The following SUV39H2 variants were observed in gnomAD, a reference collection of about 807,000 sequenced individuals.
SUV39H2 encodes the protein SUV39H2 histone lysine methyltransferase.
Under a neutral mutation model 47.5 loss-of-function variants are expected in SUV39H2, and 10 were observed. The observed-to-expected ratio is 0.21, with a 90% CI of 0.13 to 0.36. The LOEUF (loss-of-function observed/expected upper bound fraction) is 0.36. Among genes scored for constraint, SUV39H2 ranks in the 10% least tolerant of loss-of-function variants. The probability of loss-of-function intolerance (pLI) is 1.00; values close to 1 mark genes in which losing one functional copy is unlikely to be tolerated. For synonymous variants in SUV39H2, 159 were observed against 166.8 expected, an observed-to-expected ratio of 0.95 and a Z score of 0.36; for missense variants, 266 against 487.4, an observed-to-expected ratio of 0.55 and a Z score of 4.28.
intron 2 of SUV39H2, among the ~76,000 whole-genome samples, chr10:14,887,795 T>A (rs1833259752): frequency 6.6e-6 from 1 of 152,238 alleles, no homozygotes; most frequent in South Asian, 2.1e-4. Context: ...AAGTACTTAT[T>A]GTAGTTGACG....
chr10:14,904,087 G>C lies in SUV39H2; in HGVS notation c.*1575G>C, dbSNP rs1012589844. ...TGGGAGGCTGAGGTAGGAGGATCAC[G>C]TGAGGTCGGGAGTTCAAGACCAGCC... is the stretch of plus-strand genomic sequence containing the variant. On this transcript the variant is annotated 3_prime_UTR_variant, in exon 6 of 6. Transcript: ENST00000354919. 1.3e-5 allele frequency: 2 copies of C among 152,066 alleles called. No individual in the cohort carries two copies. Among genetic ancestry groups the C allele is most frequent in the African/African-American group, 2.4e-5 (1 of 41,414 alleles). The allele number at this position is 152,066 out of a possible 1,614,324, so 9.4% of individuals were successfully genotyped here. A position where few individuals can be genotyped will look rare whatever the true frequency, so the allele number is the denominator to read the frequency against.
intron 2 of SUV39H2, among the ~76,000 whole-genome samples, chr10:14,892,421 A>G (rs896151863): frequency 6.6e-5 from 10 of 152,224 alleles, no homozygotes; most frequent in Admixed American, 5.2e-4. Flanking sequence ...TTGTTTCAAC[A>G]TTCCGAACCT....
At chr10:14,879,782 A>G (rs1006917759) in intron 1 of SUV39H2, 5 of 152,180 alleles carry the variant, frequency 3.3e-5, no homozygotes, top group African/African-American at 1.2e-4. Context: ...GTCAGGGGTT[A>G]CTGTGAACCA....
At position 14,899,613 on chromosome 10, in the gene SUV39H2, G is replaced by A. The variant is rs765430780; in HGVS notation, c.924G>A (p.Leu308=). The change falls in exon 4 of 6, where the codon CTG becomes CTA. Residue 308 remains leucine, a synonymous_variant. Coordinates refer to ENST00000354919, the MANE Select transcript of SUV39H2 (RefSeq NM_001193424.2). The part of the protein sequence containing the change: ...DNKGITYLFD[L]DYESDEFTVD... The stretch of plus-strand genomic sequence containing the variant: ...AGGGAATCACGTATCTCTTTGATCT[G>A]GACTATGAGTCTGATGAATTCACAG... 3 of 1,614,082 alleles carry A rather than the reference G, an allele frequency of 1.9e-6. No homozygotes were observed. Among genetic ancestry groups the A allele is most frequent in the South Asian group, 1.1e-5 (1 of 91,076 alleles).
At chr10:14,881,757 C>A in intron 2 of SUV39H2, 112 bp downstream of exon 2, 1 of 998,658 alleles carries the variant, frequency 1.0e-6, no homozygotes, top group Non-Finnish European at 1.4e-6. Flanking sequence ...GTTTAAAATT[C>A]TAAGGCATGA....
At chr10:14,897,739 C>T (rs1306061374) in intron 3 of SUV39H2, 1 of 322,000 alleles carries the variant, frequency 3.1e-6, no homozygotes, top group African/African-American at 2.1e-5. Context: ...TTGATATAGT[C>T]ATCTTTCAAC....
intron 2 of SUV39H2, among the ~76,000 whole-genome samples, chr10:14,888,913 G>A (rs1032163054): frequency 6.6e-6 from 1 of 152,154 alleles, no homozygotes; most frequent in Non-Finnish European, 1.5e-5. Context: ...GAATCAGCCT[G>A]ACCAACATGG....
intron 1 of SUV39H2, chr10:14,880,184 C>G (rs34864972): frequency 0.032 from 4,821 of 152,302 alleles, 103 homozygotes; most frequent in Non-Finnish European, 0.047. Flanking sequence ...TCAGCCTCTT[C>G]CCCCACGTTT....
intron 3 of SUV39H2, 21 bp from the exon 4 acceptor site, chr10:14,899,518 C>T (rs1384576764): frequency 6.6e-5 from 107 of 1,612,628 alleles, no homozygotes; most frequent in East Asian, 8.9e-5. Context: ...ACGTAATATA[C>T]TTACAGTTTT....
chr10:14,885,155 A>G (rs574217009), intron 2 of SUV39H2, among the ~76,000 whole-genome samples: 1 of 151,910 alleles, frequency 6.6e-6, no homozygotes, highest in Non-Finnish European at 1.5e-5. Context: ...AGTGGTTTCT[A>G]CTTGTATGTG....
At chr10:14,892,312 T>G (rs1289854519) in intron 2 of SUV39H2, among the ~76,000 whole-genome samples, 2 of 152,180 alleles carry the variant, frequency 1.3e-5, no homozygotes, top group Non-Finnish European at 2.9e-5. Context: ...TCTGAGAACT[T>G]TAAGAACCAC....
rs1399195547 is a variant in SUV39H2 at position 14,904,132 on chromosome 10, C to G, written c.*1620C>G. On this transcript the variant is annotated 3_prime_UTR_variant, in exon 6 of 6. Transcript: ENST00000354919. ...CCAGCCTGGCCATCATGGTGAAACCCTGTCTCTACTGAAAATACAAAAATT... is the reference window on the plus strand; with the variant it reads ...CCAGCCTGGCCATCATGGTGAAACCGTGTCTCTACTGAAAATACAAAAATT... 6.6e-6 allele frequency: 1 copy of G among 151,834 alleles called. No homozygotes were observed. Among genetic ancestry groups the G allele is most frequent in the African/African-American group, 2.4e-5 (1 of 41,254 alleles). 9.4% of individuals were successfully genotyped at this position (151,834 alleles called of 1,614,324 possible).
At position 14,897,434 on chromosome 10, in the gene SUV39H2, C is replaced by A; in HGVS notation, c.766C>A (p.Arg256=). The part of the protein sequence containing the change: ...KGTQYSLCIF[R]TSNGRGWGVK... ...CACACAGTATTCGCTTTGCATCTTTCGAACTAGCAATGGACGTGGCTGGGG... is the reference window on the plus strand; with the variant it reads ...CACACAGTATTCGCTTTGCATCTTTAGAACTAGCAATGGACGTGGCTGGGG... Residue 256 remains arginine (R), a synonymous_variant, in exon 3 of 6, where the codon CGA becomes AGA. Transcript: ENST00000354919. 6 of 1,612,630 alleles carry A rather than the reference C, an allele frequency of 3.7e-6. No individual in the cohort carries two copies. Among genetic ancestry groups the A allele is most frequent in the Non-Finnish European group, 5.1e-6 (6 of 1,179,034 alleles).
Position 14,897,032 on chromosome 10 carries a change from G to C in SUV39H2, c.364G>C (p.Ala122Pro). Residue 122 changes from alanine to proline, a missense_variant, in exon 3 of 6, where the codon GCC (alanine) becomes CCC (proline). Transcript: ENST00000354919. The part of the protein sequence containing the change: ...PKDNNKTLKP[A>P]IAEYIVKKAK... ...AGACAATAACAAAACTTTGAAACCT[G>C]CCATTGCTGAGTACATTGTGAAGAA... 1 of 1,614,036 alleles carries C rather than the reference G, an allele frequency of 6.2e-7. No individual in the cohort carries two copies. The highest frequency in any genetic ancestry group is 8.5e-7 in the Non-Finnish European group (1 of 1,180,008).
At chr10:14,884,246 A>T (rs1267924358) in intron 2 of SUV39H2, among the ~76,000 whole-genome samples, 1 of 152,176 alleles carries the variant, frequency 6.6e-6, no homozygotes. Context: ...TGTTTGAGGA[A>T]CTGCCAGACT....
chr10:14,899,147 C>T, intron 3 of SUV39H2: 3 of 692,364 alleles, frequency 4.3e-6, no homozygotes, highest in Non-Finnish European at 7.9e-6. Context: ...TAGTGAGACC[C>T]CACATCTCTA....
chr10:14,883,860 C>G (rs553521984), intron 2 of SUV39H2, among the ~76,000 whole-genome samples: 89 of 152,302 alleles, frequency 5.8e-4, no homozygotes, highest in African/African-American at 1.8e-3. Flanking sequence ...CTTCTACCTC[C>G]AGCCGTAGGG....
At chr10:14,896,770 T>C in intron 2 of SUV39H2, 76 bp from the exon 3 acceptor site, 1 of 1,313,898 alleles carries the variant, frequency 7.6e-7, no homozygotes, top group Non-Finnish European at 1.0e-6. Flanking sequence ...CCTTACTCTT[T>C]AAGATTTTTA....
At position 14,903,015 on chromosome 10, in the gene SUV39H2, T is replaced by C. The variant is rs1218657637; in HGVS notation, c.*503T>C. On this transcript the variant is annotated 3_prime_UTR_variant, in exon 6 of 6. Transcript: ENST00000354919. ...AGGTGATACTGAATTTTATACTGTT[T>C]TCTACTTTTCCATTAAAACATTGGC... is the stretch of plus-strand genomic sequence containing the variant. The C allele has an allele frequency of 6.6e-6, 1 of 152,312 alleles. No individual in the cohort carries two copies. The highest frequency in any genetic ancestry group is 1.5e-5 in the Non-Finnish European group (1 of 68,102). The allele number at this position is 152,312 out of a possible 1,614,324, so 9.4% of individuals were successfully genotyped here.
Sources: gnomAD v4.1 joint callset for allele counts (sites outside exome capture counted in the v4.1 genomes callset) on GRCh38, gnomAD v4.1.1 for gene constraint, MANE v1.5 for transcripts, NCBI Gene and HGNC (gene_info 2026-07-23, HGNC 2026-07-21) for gene names.